Variants in MAP2 observed in about 807,000 individuals in gnomAD.
The protein encoded by MAP2 is microtubule-associated protein 2.
A neutral mutation model predicts 137.6 loss-of-function variants in MAP2; 14 were observed. The ratio of observed to expected loss-of-function variants is 0.10; its 90% CI spans 0.07 to 0.16. MAP2 has a LOEUF of 0.16. Among genes scored for constraint, MAP2 ranks in the 10% least tolerant of loss-of-function variants. MAP2 has a pLI of 1.00. For missense variants in MAP2, 2,088 were observed against 2,191.5 expected, an observed-to-expected ratio of 0.95 and a Z score of 0.94; for synonymous variants, 786 against 782.3, an observed-to-expected ratio of 1.00 and a Z score of -0.08.
Position 209,680,789 on chromosome 2 carries a change from C to T in MAP2, c.416C>T (p.Pro139Leu), listed in dbSNP as rs917768168. Residue 139 changes from proline (P) to leucine (L), a missense_variant, in exon 7 of 16, where the codon CCA becomes CTA. Pro to Leu is a moderately conservative substitution (Grantham distance 98). This residue lies in a region of MAP2 where 859 missense variants were observed against 794.5 expected (regional missense o/e 1.08). Transcript: ENST00000682079. ...GCTAATCTGCCTCCTTCTCCACCCC[C>T]ATCACCTGCCTCAGAACAGACTGTC... Reference protein sequence around the residue: ...ETANLPPSPPPSPASEQTVTV... With the variant: ...ETANLPPSPPLSPASEQTVTV... The T allele has an allele frequency of 4.3e-6, 7 of 1,613,710 alleles. No individual in the cohort carries two copies. In the African/African-American group the frequency reaches 8.0e-5, roughly 18 times the overall value.
chr2:209,724,186 G>A (rs2072819936), intron 13 of MAP2, among the ~76,000 whole-genome samples: 1 of 152,136 alleles, frequency 6.6e-6, no homozygotes, highest in Non-Finnish European at 1.5e-5. Flanking sequence ...TACAAAACTG[G>A]TGGAGCATGG....
intron 4 of MAP2, among the ~76,000 whole-genome samples, chr2:209,640,197 G>A (rs534648293): frequency 2.0e-5 from 3 of 151,730 alleles, no homozygotes; most frequent in Non-Finnish European, 4.4e-5. Flanking sequence ...ACAACTTCCC[G>A]TCCTTATCAC....
rs1421709812 is a variant in MAP2, at chr2:209,435,983, G to A, written c.-222+11707G>A. 1.3e-4 allele frequency among the ~76,000 whole-genome samples: 12 copies of A among 93,006 alleles called. 4 individuals carry two copies. Among genetic ancestry groups the A allele is most frequent in the South Asian group, 5.7e-4 (2 of 3,508 alleles). The allele number at this position is 93,006 out of a possible 152,430, so 61.0% of individuals were successfully genotyped here. On this transcript the variant is annotated intron_variant, in intron 1 of 15. Transcript: ENST00000682079. ...GTATATATTATATATAATATATACAGTATATATTATATACTATATATACAG... is the reference window on the plus strand; with the variant it reads ...GTATATATTATATATAATATATACAATATATATTATATACTATATATACAG...
intron 4 of MAP2, among the ~76,000 whole-genome samples, chr2:209,627,995 A>G (rs978131310): frequency 7.2e-5 from 11 of 152,210 alleles, no homozygotes; most frequent in Non-Finnish European, 1.5e-5. Context: ...CCATGAATTT[A>G]GAGTTGAATA....
At chr2:209,540,229 G>A (rs926712336) in intron 2 of MAP2, among the ~76,000 whole-genome samples, 1 of 151,532 alleles carries the variant, frequency 6.6e-6, no homozygotes, top group African/African-American at 2.4e-5. Context: ...ATAATTATAG[G>A]TCTGAGGAAT....
chr2:209,668,264 A>G (rs10197252), intron 5 of MAP2, among the ~76,000 whole-genome samples: 6,999 of 152,102 alleles, frequency 0.046, 217 homozygotes, highest in African/African-American at 0.089. Context: ...CTTGGTATCA[A>G]TGAGAAGCAA....
At chr2:209,599,736 A>G (rs770988015) in intron 3 of MAP2, among the ~76,000 whole-genome samples, 4 of 152,080 alleles carry the variant, frequency 2.6e-5, no homozygotes, top group East Asian at 1.9e-4. Flanking sequence ...TATAACAGGC[A>G]TTTAACAAAT....
rs559389938 is a variant in MAP2 at position 209,695,699 on chromosome 2, C to T, written c.3529C>T (p.Pro1177Ser). 12 of 1,614,040 alleles carry T rather than the reference C, an allele frequency of 7.4e-6. No individual in the cohort carries two copies. In the African/African-American group the frequency reaches 1.3e-4, roughly 18 times the overall value. Residue 1177 changes from proline (P) to serine (S), a missense_variant, in exon 8 of 16, where the codon CCT becomes TCT. Around this residue, in one of 6 missense-constraint regions of MAP2, gnomAD observed 591 missense variants for 642.6 expected, o/e 0.92. Transcript: ENST00000682079. ...ATTGTCAGTGGAAATACCTTGCCCACCTGCTGTTTCAGAGGCTGATTTAGC... is the reference window on the plus strand; with the variant it reads ...ATTGTCAGTGGAAATACCTTGCCCATCTGCTGTTTCAGAGGCTGATTTAGC... ...VKLSVEIPCP[P>S]AVSEADLATD...
At chr2:209,514,731 CA>C (rs1287955875) in intron 2 of MAP2, among the ~76,000 whole-genome samples, 7 of 152,144 alleles carry the variant, frequency 4.6e-5, no homozygotes, top group Admixed American at 3.3e-4. Flanking sequence ...CATAGTAGTA[CA>C]AGGGATAAAC....
intron 4 of MAP2, among the ~76,000 whole-genome samples, chr2:209,631,625 T>C (rs2093059667): frequency 6.6e-6 from 1 of 152,004 alleles, no homozygotes; most frequent in Admixed American, 6.6e-5. Flanking sequence ...GGTCATAATC[T>C]AACTGCAGCA....
At chr2:209,497,491 G>A (rs1459644978) in intron 1 of MAP2, among the ~76,000 whole-genome samples, 1 of 152,144 alleles carries the variant, frequency 6.6e-6, no homozygotes, top group Non-Finnish European at 1.5e-5. Context: ...TGTTATGTTA[G>A]ACTATATTAG....
chr2:209,715,254 A>T (rs1182756295), intron 13 of MAP2, among the ~76,000 whole-genome samples: 4 of 152,120 alleles, frequency 2.6e-5, no homozygotes. Flanking sequence ...AATATAAAGA[A>T]TCAATTATGA....
chr2:209,569,311 TTTC>T (rs2074006882), intron 2 of MAP2, among the ~76,000 whole-genome samples: 2 of 146,010 alleles, frequency 1.4e-5, no homozygotes, highest in African/African-American at 5.6e-5. Context: ...AATGTTTTAA[TTTC>T]AGTGTTTCAG....
intron 3 of MAP2, among the ~76,000 whole-genome samples, chr2:209,605,779 C>T (rs1306187696): frequency 1.3e-5 from 2 of 152,040 alleles, no homozygotes; most frequent in Admixed American, 6.6e-5. Context: ...CACTGGTAAC[C>T]GGCCTAACCA....
intron 1 of MAP2, among the ~76,000 whole-genome samples, chr2:209,454,935 G>T (rs1559182935): frequency 6.6e-6 from 1 of 152,150 alleles, no homozygotes; most frequent in African/African-American, 2.4e-5. Flanking sequence ...ATAACAAGGT[G>T]CCAGAAGATT....
intron 3 of MAP2, among the ~76,000 whole-genome samples, chr2:209,589,518 T>TA (rs2078681457): frequency 6.6e-6 from 1 of 152,174 alleles, no homozygotes; most frequent in South Asian, 2.1e-4. Flanking sequence ...CGACCTCTAC[T>TA]AAGTGGATTG....
At chr2:209,557,876 A>G (rs971477436) in intron 2 of MAP2, among the ~76,000 whole-genome samples, 44 of 152,216 alleles carry the variant, frequency 2.9e-4, no homozygotes, top group African/African-American at 9.7e-4. Context: ...GCCTTATGAA[A>G]AACTCATCGC....
At chr2:209,467,196 C>T (rs964595198) in intron 1 of MAP2, among the ~76,000 whole-genome samples, 1 of 152,122 alleles carries the variant, frequency 6.6e-6, no homozygotes, top group African/African-American at 2.4e-5. Context: ...TTATTTCCAC[C>T]TCACTTATTC....
intron 1 of MAP2, among the ~76,000 whole-genome samples, chr2:209,425,917 G>T (rs1306967507): frequency 6.6e-6 from 1 of 152,158 alleles, no homozygotes; most frequent in Non-Finnish European, 1.5e-5. Flanking sequence ...GTGTATTTTG[G>T]TAGAAATCCT....
Sources: allele counts gnomAD v4.1 joint callset (sites outside exome capture counted in the v4.1 genomes callset), GRCh38; gene constraint gnomAD v4.1.1; regional missense constraint gnomAD v4.1.1; transcripts MANE v1.5; gene names NCBI Gene and HGNC (gene_info 2026-07-23, HGNC 2026-07-21).